The following CCNY variants were observed in gnomAD, a reference collection of about 807,000 sequenced individuals.
CCNY encodes the protein cyclin-Y.
In CCNY, 19 loss-of-function variants were observed where a neutral mutation model predicts 42.8. The ratio of observed to expected loss-of-function variants is 0.44; its 90% CI spans 0.31 to 0.65. The LOEUF is 0.65. Among genes scored for constraint, CCNY ranks in the 30% least tolerant of loss-of-function variants. The probability of loss-of-function intolerance (pLI) is 0.07; values close to 1 mark genes in which losing one functional copy is unlikely to be tolerated. For missense variants in CCNY, 370 were observed against 437.3 expected, an observed-to-expected ratio of 0.85 and a Z score of 1.37; for synonymous variants, 165 against 162.7, an observed-to-expected ratio of 1.01 and a Z score of -0.11.
chr10:35,404,485 G>C (rs1015001271), intron 1 of CCNY, among the ~76,000 whole-genome samples: 2 of 152,144 alleles, frequency 1.3e-5, no homozygotes, highest in African/African-American at 4.8e-5. Flanking sequence ...TTTATATAAT[G>C]GTTTTGTTAG....
chr10:35,551,870 A>G (rs1841265483), intron 7 of CCNY, among the ~76,000 whole-genome samples: 1 of 152,236 alleles, frequency 6.6e-6, no homozygotes, highest in South Asian at 2.1e-4. Context: ...AACAAAACAG[A>G]AAATAAGAAA....
chr10:35,566,354 T>A (rs1841571933), intron 9 of CCNY, 169 bp downstream of exon 9: 1 of 737,990 alleles, frequency 1.4e-6, no homozygotes, highest in African/African-American at 1.8e-5. Context: ...TTCTGCTTCT[T>A]TTTTCTTTGA....
chr10:35,494,572 A>G (rs4145205), intron 2 of CCNY, among the ~76,000 whole-genome samples: 52,815 of 152,018 alleles, frequency 0.35, 9,415 homozygotes, highest in African/African-American at 0.41. Context: ...AGAAGCAATG[A>G]AGGAAGTTGC....
intron 1 of CCNY, among the ~76,000 whole-genome samples, chr10:35,406,341 A>G (rs1162175851): frequency 1.3e-5 from 2 of 151,724 alleles, no homozygotes; most frequent in African/African-American, 4.8e-5. Flanking sequence ...CAAGTGAACA[A>G]AGGTCTCTGG....
chr10:35,271,987 A>T (rs1835175929), intron 3 of CCNY, among the ~76,000 whole-genome samples: 1 of 152,148 alleles, frequency 6.6e-6, no homozygotes, highest in African/African-American at 2.4e-5. Flanking sequence ...ACTGTCACAA[A>T]GTGCCATAAA....
intron 1 of CCNY, among the ~76,000 whole-genome samples, chr10:35,428,054 TGTACATTGTC>T (rs1838307276): frequency 6.6e-6 from 1 of 152,252 alleles, no homozygotes; most frequent in Non-Finnish European, 1.5e-5. Context: ...TACATATGTA[TGTACATTGTC>T]AGATTTATGC....
chr10:35,316,695 G>A (rs1835764588), intron 3 of CCNY, among the ~76,000 whole-genome samples: 1 of 152,132 alleles, frequency 6.6e-6, no homozygotes, highest in African/African-American at 2.4e-5. Flanking sequence ...TTGTAAAATT[G>A]TTTTAGTTTT....
At chr10:35,430,459 G>A (rs1838366365) in intron 1 of CCNY, among the ~76,000 whole-genome samples, 1 of 152,014 alleles carries the variant, frequency 6.6e-6, no homozygotes, top group South Asian at 2.1e-4. Flanking sequence ...GGAAGAGTGG[G>A]AAAGGAAAGA....
intron 3 of CCNY, among the ~76,000 whole-genome samples, chr10:35,311,178 C>T (rs1365930071): frequency 6.6e-6 from 1 of 151,882 alleles, no homozygotes; most frequent in East Asian, 1.9e-4. Context: ...GTTAGCTAGA[C>T]ACGGTGGTGC....
At chr10:35,514,466 T>G (rs894242928) in intron 3 of CCNY, among the ~76,000 whole-genome samples, 4 of 152,164 alleles carry the variant, frequency 2.6e-5, no homozygotes, top group African/African-American at 9.7e-5. Context: ...TGGCTTTGAG[T>G]TAACCCTCTG....
At chr10:35,338,097 C>T (rs1300830993) in intron 1 of CCNY, among the ~76,000 whole-genome samples, 1 of 152,128 alleles carries the variant, frequency 6.6e-6, no homozygotes, top group African/African-American at 2.4e-5. Flanking sequence ...TTGGAAGTAT[C>T]TTTTTATGAC....
chr10:35,505,037 C>CTT (rs113033882), intron 3 of CCNY, among the ~76,000 whole-genome samples: 4 of 135,102 alleles, frequency 3.0e-5, no homozygotes, highest in Non-Finnish European at 6.5e-5. Context: ...TTTGACTTTG[C>CTT]TTTTTTTTTT....
At chr10:35,292,849 G>A (rs1044395460) in intron 3 of CCNY, among the ~76,000 whole-genome samples, 15 of 147,060 alleles carry the variant, frequency 1.0e-4, no homozygotes, top group African/African-American at 2.5e-4. Context: ...GCGATGGAGC[G>A]ATCTTGGCTA....
chr10:35,387,711 A>G (rs1029666863), intron 1 of CCNY, among the ~76,000 whole-genome samples: 1 of 152,156 alleles, frequency 6.6e-6, no homozygotes, highest in Non-Finnish European at 1.5e-5. Flanking sequence ...AAGCAAGATA[A>G]ATGTTTGGGT....
chr10:35,435,661 A>G (rs1189989392), intron 1 of CCNY, among the ~76,000 whole-genome samples: 1 of 152,196 alleles, frequency 6.6e-6, no homozygotes, highest in South Asian at 2.1e-4. Context: ...CTGTTTACAC[A>G]CTTTTGTATA....
intron 3 of CCNY, among the ~76,000 whole-genome samples, chr10:35,307,769 TG>T (rs1835627047): frequency 1.1e-4 from 8 of 72,054 alleles, no homozygotes; most frequent in African/African-American, 6.2e-4. Context: ...TATGTGTGTG[TG>T]TGTGTGTGTG....
At chr10:35,561,338 T>A (rs1841462647) in intron 8 of CCNY, among the ~76,000 whole-genome samples, 2 of 152,220 alleles carry the variant, frequency 1.3e-5, no homozygotes, top group African/African-American at 4.8e-5. Context: ...CCTGCTGCAT[T>A]TTTCTATAAT....
chr10:35,363,772 T>A (rs1209338183), intron 1 of CCNY, among the ~76,000 whole-genome samples: 5 of 152,136 alleles, frequency 3.3e-5, no homozygotes, highest in Non-Finnish European at 7.4e-5. Context: ...AGGTATGAAA[T>A]CATTGTTGAA....
intron 1 of CCNY, among the ~76,000 whole-genome samples, chr10:35,451,813 G>T (rs575907716): frequency 6.6e-6 from 1 of 152,146 alleles, no homozygotes; most frequent in South Asian, 2.1e-4. Flanking sequence ...TCACCTCCAC[G>T]CATGGCAGGG....
Sources: allele counts gnomAD v4.1 joint callset (sites outside exome capture counted in the v4.1 genomes callset), GRCh38; gene constraint gnomAD v4.1.1; transcripts MANE v1.5; gene names NCBI Gene and HGNC (gene_info 2026-07-23, HGNC 2026-07-21).